Variants in CEP83 observed in about 807,000 individuals in gnomAD.
CEP83 encodes the protein centrosomal protein of 83 kDa.
Under a neutral mutation model 101.9 loss-of-function variants are expected in CEP83, and 70 were observed. The ratio of observed to expected loss-of-function variants is 0.69; its 90% CI spans 0.57 to 0.84. The LOEUF is 0.84. Among genes scored for constraint, CEP83 ranks in the 40% least tolerant of loss-of-function variants. The probability of loss-of-function intolerance (pLI) is 0.00; values close to 1 mark genes in which losing one functional copy is unlikely to be tolerated. For synonymous variants in CEP83, 264 were observed against 267.9 expected (o/e 0.99, Z 0.14); for missense variants, 715 against 787.2 (o/e 0.91, Z 1.10).
chr12:94,287,783 G>A, the CEP83 span, among the ~76,000 whole-genome samples: 77 of 152,300 alleles, frequency 5.1e-4, 1 homozygote, highest in African/African-American at 1.4e-3. Flanking sequence ...AATCGCTAAA[G>A]GTCTGTTGCA....
chr12:94,277,054 C>T, the CEP83 span: 74 of 122,072 alleles, frequency 6.1e-4, no homozygotes, highest in African/African-American at 2.2e-3. Context: ...TTTGTCTCAG[C>T]TCTTTATAAA....
chr12:94,451,298 C>T (rs1177361024), intron 1 of CEP83, among the ~76,000 whole-genome samples: 17 of 151,946 alleles, frequency 1.1e-4, no homozygotes, highest in Admixed American at 1.1e-3. Flanking sequence ...GCCACACACA[C>T]AAAAGAAATG....
At chr12:94,458,667 G>A (rs749315811) in intron 1 of CEP83, among the ~76,000 whole-genome samples, 2 of 152,166 alleles carry the variant, frequency 1.3e-5, no homozygotes, top group African/African-American at 4.8e-5. Context: ...GAACCCAGGA[G>A]GCGGAGGTTG....
the CEP83 span, among the ~76,000 whole-genome samples, chr12:94,281,338 G>A: frequency 6.6e-6 from 1 of 152,086 alleles, no homozygotes; most frequent in Non-Finnish European, 1.5e-5. Flanking sequence ...AGCTATGCTT[G>A]GAGCTCTTAC....
At position 94,315,311 on chromosome 12, in the gene CEP83, A is replaced by G. The variant is rs114244216; in HGVS notation, c.1708-2294T>C. Among the ~76,000 whole-genome samples, 726 of 152,146 alleles carry G rather than the reference A, an allele frequency of 4.8e-3. 11 individuals carry two copies. The highest frequency in any genetic ancestry group is 0.016 in the African/African-American group (680 of 41,526). Reference sequence around the variant, plus strand: ...AATACAGTATCTCACTGTAGTTTTAATTTACATTTTCCTGATAGCTAAAGG... The same window carrying G: ...AATACAGTATCTCACTGTAGTTTTAGTTTACATTTTCCTGATAGCTAAAGG... On this transcript the variant is annotated intron_variant, in intron 14 of 16. Coordinates refer to ENST00000397809, the MANE Select transcript of CEP83 (RefSeq NM_016122.3).
At chr12:94,283,738 A>C in the CEP83 span, among the ~76,000 whole-genome samples, 103 of 152,252 alleles carry the variant, frequency 6.8e-4, no homozygotes, top group African/African-American at 2.4e-3. Flanking sequence ...TGGGGGCCAC[A>C]AGATCAGATG....
At chr12:94,273,645 GTTC>G in the CEP83 span, among the ~76,000 whole-genome samples, 4 of 152,202 alleles carry the variant, frequency 2.6e-5, no homozygotes, top group Non-Finnish European at 2.9e-5. Context: ...ATGCCCCACA[GTTC>G]TTCTACTAGT....
At chr12:94,284,107 A>G in the CEP83 span, among the ~76,000 whole-genome samples, 46 of 151,776 alleles carry the variant, frequency 3.0e-4, 1 homozygote, top group African/African-American at 8.9e-4. Flanking sequence ...AAAAAAAAAA[A>G]AGCAGGGTTT....
intron 4 of CEP83, among the ~76,000 whole-genome samples, chr12:94,408,417 T>C (rs1325850362): frequency 3.9e-5 from 6 of 152,214 alleles, no homozygotes. Context: ...TACTAGGTTA[T>C]ACAGTTTTCA....
chr12:94,441,153 C>T (rs1204432652), intron 1 of CEP83, among the ~76,000 whole-genome samples: 1 of 151,890 alleles, frequency 6.6e-6, no homozygotes, highest in African/African-American at 2.4e-5. Context: ...CCAAATGCAA[C>T]AAAAATGAAA....
At chr12:94,372,983 C>T (rs1285034162) in intron 8 of CEP83, among the ~76,000 whole-genome samples, 1 of 151,960 alleles carries the variant, frequency 6.6e-6, no homozygotes, top group East Asian at 1.9e-4. Context: ...AATGTATTAC[C>T]CAGTAATGAC....
intron 6 of CEP83, among the ~76,000 whole-genome samples, chr12:94,392,961 T>C (rs1450329642): frequency 1.3e-5 from 2 of 151,796 alleles, no homozygotes; most frequent in Non-Finnish European, 2.9e-5. Context: ...CAATAACAGG[T>C]TCTGAAATTG....
intron 6 of CEP83, among the ~76,000 whole-genome samples, chr12:94,388,907 A>C (rs915114982): frequency 2.6e-5 from 4 of 152,162 alleles, no homozygotes; most frequent in African/African-American, 9.7e-5. Context: ...TAGGTAGATC[A>C]CTTGAGGTCA....
At chr12:94,429,287 C>T (rs1056076326) in intron 2 of CEP83, among the ~76,000 whole-genome samples, 7 of 152,136 alleles carry the variant, frequency 4.6e-5, no homozygotes, top group Non-Finnish European at 1.0e-4. Flanking sequence ...TCCACATTCC[C>T]ACCATGGATA....
intron 1 of CEP83, among the ~76,000 whole-genome samples, chr12:94,447,308 G>C (rs1240285206): frequency 1.3e-5 from 2 of 152,160 alleles, no homozygotes; most frequent in African/African-American, 4.8e-5. Flanking sequence ...GAGCCCAGAA[G>C]TTCGAGACCA....
At chr12:94,273,629 T>G in the CEP83 span, among the ~76,000 whole-genome samples, 1 of 152,236 alleles carries the variant, frequency 6.6e-6, no homozygotes, top group East Asian at 1.9e-4. Flanking sequence ...TTAGAATGTG[T>G]TGTATATGCC....
chr12:94,336,129 G>C (rs1231709078), intron 11 of CEP83, among the ~76,000 whole-genome samples: 2 of 152,028 alleles, frequency 1.3e-5, no homozygotes, highest in Non-Finnish European at 2.9e-5. Flanking sequence ...CTTCTAACAA[G>C]GCTACAGATT....
In CEP83 at chr12:94,308,050, C is replaced by G. The variant is rs1382707377; in HGVS notation, c.*763G>C. 6.6e-6 allele frequency: 1 copy of G among 152,032 alleles called. No homozygotes were observed. Among genetic ancestry groups the G allele is most frequent in the Non-Finnish European group, 1.5e-5 (1 of 67,994 alleles). The allele number at this position is 152,032 out of a possible 1,614,324, so 9.4% of individuals were successfully genotyped here. A position where few individuals can be genotyped will look rare whatever the true frequency, so the allele number is the denominator to read the frequency against. ...AAAAATGAGAGCATACTTAGGGACA[C>G]AAAACACATAATTATTTGGTTAGAT... On this transcript the variant is annotated 3_prime_UTR_variant, in exon 17 of 17. Transcript: ENST00000397809.
At chr12:94,419,661 G>A (rs2064564304) in intron 2 of CEP83, among the ~76,000 whole-genome samples, 2 of 151,992 alleles carry the variant, frequency 1.3e-5, no homozygotes, top group African/African-American at 4.8e-5. Context: ...TAGACAAAGA[G>A]ACCAATAAAA....
Sources: allele counts gnomAD v4.1 joint callset (sites outside exome capture counted in the v4.1 genomes callset), GRCh38; gene constraint gnomAD v4.1.1; transcripts MANE v1.5; gene names NCBI Gene and HGNC (gene_info 2026-07-23, HGNC 2026-07-21).